The following AP1G1 variants were observed in gnomAD, a reference collection of about 807,000 sequenced individuals.
AP1G1 encodes AP-1 complex subunit gamma-1.
In AP1G1, 7 loss-of-function variants were observed where a neutral mutation model predicts 108.3. The ratio of observed to expected loss-of-function variants is 0.06; its 90% CI spans 0.04 to 0.12. The LOEUF (loss-of-function observed/expected upper bound fraction) is 0.12, where lower values mean the gene tolerates loss of function less well. Ranked by LOEUF, AP1G1 falls within the 10% of genes least tolerant of loss-of-function variation. The pLI, the probability that AP1G1 is intolerant of heterozygous loss-of-function variation, is 1.00. For missense variants in AP1G1, 756 were observed against 1,010.7 expected (o/e 0.75, Z 3.42); for synonymous variants, 379 against 353.5 (o/e 1.07, Z -0.81).
At chr16:71,770,527 T>C (rs1306126103) in intron 5 of AP1G1, among the ~76,000 whole-genome samples, 1 of 152,374 alleles carries the variant, frequency 6.6e-6, no homozygotes, top group Middle Eastern at 3.4e-3. Context: ...GCCCAGGCTA[T>C]AGTGCAGTGG....
rs1384540770 is a variant in AP1G1 at position 71,730,224 on chromosome 16, G to C, written c.*2834C>G. ...AGGTAACAGCACCAAAGCACTGTGG[G>C]AGAAGCTTCTCAGGGAGAGCACCCT... On this transcript the variant is annotated 3_prime_UTR_variant, in exon 23 of 23. Transcript: ENST00000299980. 1 of 152,394 alleles carries C rather than the reference G, an allele frequency of 6.6e-6. No homozygotes were observed. Among genetic ancestry groups the C allele is most frequent in the African/African-American group, 2.4e-5 (1 of 41,408 alleles). 9.4% of individuals were successfully genotyped at this position (152,394 alleles called of 1,614,324 possible).
chr16:71,750,421 C>T, intron 13 of AP1G1, 89 bp from the exon 14 acceptor site: 2 of 1,524,518 alleles, frequency 1.3e-6, no homozygotes, highest in Non-Finnish European at 1.8e-6. Context: ...GTGTTTTTTC[C>T]TTTCTTTTTT....
intron 3 of AP1G1, among the ~76,000 whole-genome samples, chr16:71,774,076 A>G (rs2031680873): frequency 6.7e-6 from 1 of 150,110 alleles, no homozygotes; most frequent in African/African-American, 2.4e-5. Flanking sequence ...AGAAAAAAAA[A>G]AAAAAACCAG....
At chr16:71,772,044 C>A (rs1422527153) in intron 4 of AP1G1, among the ~76,000 whole-genome samples, 3 of 152,140 alleles carry the variant, frequency 2.0e-5, no homozygotes, top group African/African-American at 7.2e-5. Context: ...GAGTCAAATA[C>A]CATAAAAGTT....
chr16:71,750,490 C>A, intron 13 of AP1G1, 158 bp from the exon 14 acceptor site: 1 of 729,080 alleles, frequency 1.4e-6, no homozygotes, highest in South Asian at 1.8e-5. Context: ...TCTTGGCTCA[C>A]TGCAACCTCC....
intron 2 of AP1G1, chr16:71,777,806 G>A: frequency 5.0e-6 from 2 of 403,950 alleles, no homozygotes; most frequent in Non-Finnish European, 1.0e-5. Context: ...GCCCAACTCA[G>A]CCACTGCCTC....
chr16:71,739,477 A>G (rs1027077915), intron 19 of AP1G1, 136 bp from the exon 20 acceptor site: 9 of 650,416 alleles, frequency 1.4e-5, no homozygotes, highest in Non-Finnish European at 2.0e-5. Flanking sequence ...TAGACCACAA[A>G]GAGAAAGAAC....
Position 71,769,267 on chromosome 16 carries a change from G to A in AP1G1, c.642+356C>T, listed in dbSNP as rs560861851. On this transcript the variant is annotated intron_variant, in intron 6 of 22. Coordinates refer to ENST00000299980, the MANE Select transcript of AP1G1 (RefSeq NM_001128.6). ...CATTGCACTCCAGCCTGGGCAAAAA[G>A]AGCAAAACTACATCTCAAAAAAAAA... Among the ~76,000 whole-genome samples, 4 of 151,422 alleles carry A rather than the reference G, an allele frequency of 2.6e-5. No individual in the cohort carries two copies. The South Asian group carries it at 8.3e-4, about 32-fold the overall frequency.
At chr16:71,734,798 G>T in intron 21 of AP1G1, 91 bp from the exon 22 acceptor site, 1 of 1,002,688 alleles carries the variant, frequency 1.0e-6, no homozygotes, top group Non-Finnish European at 1.6e-6. Flanking sequence ...CAGATGATGG[G>T]TCAAGCAACA....
chr16:71,734,819 C>A (rs2045513776), intron 21 of AP1G1, 112 bp from the exon 22 acceptor site: 2 of 825,666 alleles, frequency 2.4e-6, no homozygotes, highest in Non-Finnish European at 4.0e-6. Flanking sequence ...GATTTCACTA[C>A]TACTAAGTTT....
intron 4 of AP1G1, among the ~76,000 whole-genome samples, chr16:71,772,409 A>G (rs1233915302): frequency 6.6e-6 from 1 of 152,222 alleles, no homozygotes; most frequent in Non-Finnish European, 1.5e-5. Flanking sequence ...GATTACAGGC[A>G]TGAGCCACCA....
chr16:71,750,005 T>G, intron 14 of AP1G1, 22 bp from the exon 15 acceptor site: 1 of 1,593,164 alleles, frequency 6.3e-7, no homozygotes. Context: ...AAAGTCAACG[T>G]TTCTCAAGAA....
chr16:71,769,845 G>C, intron 5 of AP1G1, 146 bp from the exon 6 acceptor site: 1 of 595,888 alleles, frequency 1.7e-6, no homozygotes, highest in Non-Finnish European at 3.0e-6. Context: ...GCATTGAAGT[G>C]AATACAAAGG....
At chr16:71,802,224 C>A (rs2032826372) in intron 1 of AP1G1, among the ~76,000 whole-genome samples, 3 of 152,112 alleles carry the variant, frequency 2.0e-5, no homozygotes, top group South Asian at 2.1e-4. Context: ...AACTAAACAA[C>A]TGAAAAAGTG....
At chr16:71,746,848 T>G in intron 16 of AP1G1, 156 bp from the exon 17 acceptor site, 1 of 564,104 alleles carries the variant, frequency 1.8e-6, no homozygotes, top group Non-Finnish European at 3.1e-6. Context: ...CACTTTACTT[T>G]CATCCATTTA....
rs920390738 is a variant in AP1G1, at chr16:71,756,327, T to C, written c.1089-168A>G. 37 of 511,510 alleles carry C rather than the reference T, an allele frequency of 7.2e-5. 1 individual carries two copies. The highest frequency in any genetic ancestry group is 6.1e-4 in the South Asian group (14 of 22,850). 31.7% of individuals were successfully genotyped at this position (511,510 alleles called of 1,614,324 possible). A position where few individuals can be genotyped will look rare whatever the true frequency, so the allele number is the denominator to read the frequency against. The stretch of plus-strand genomic sequence containing the variant: ...CGAAATAACCAAGGAGATGTATTCT[T>C]ACATAATCAAAGTTAGTTTTGATAT... On this transcript the variant is annotated intron_variant, in intron 11 of 22. Transcript: ENST00000299980.
At chr16:71,737,955 A>G (rs915273222) in intron 21 of AP1G1, among the ~76,000 whole-genome samples, 3 of 152,270 alleles carry the variant, frequency 2.0e-5, no homozygotes, top group African/African-American at 7.2e-5. Flanking sequence ...CTGAGTACCA[A>G]TAAAGACCAG....
chr16:71,739,416 T>C, intron 19 of AP1G1, 75 bp from the exon 20 acceptor site: 1 of 1,179,978 alleles, frequency 8.5e-7, no homozygotes, highest in Non-Finnish European at 1.2e-6. Flanking sequence ...TAGGGAAAAT[T>C]ATTTCGGTCT....
At chr16:71,798,205 G>C (rs532250447) in intron 1 of AP1G1, among the ~76,000 whole-genome samples, 11 of 150,804 alleles carry the variant, frequency 7.3e-5, no homozygotes, top group Admixed American at 1.3e-4. Flanking sequence ...CAACACTTTA[G>C]AGGCCAAGGT....
Sources: gnomAD v4.1 joint callset for allele counts (sites outside exome capture counted in the v4.1 genomes callset) on GRCh38, gnomAD v4.1.1 for gene constraint, MANE v1.5 for transcripts, NCBI Gene and HGNC (gene_info 2026-07-23, HGNC 2026-07-21) for gene names.